Variants in METRN observed in about 807,000 individuals in gnomAD.
METRN encodes meteorin.
A neutral mutation model predicts 17.4 loss-of-function variants in METRN; 17 were observed. The observed-to-expected ratio is 0.98, with a 90% CI of 0.67 to 1.46. METRN has a LOEUF of 1.46. Among genes scored for constraint, METRN ranks in the 40% most tolerant of loss-of-function variants. The probability of loss-of-function intolerance (pLI) is 0.00; values close to 1 mark genes in which losing one functional copy is unlikely to be tolerated. For synonymous variants in METRN, 230 were observed against 210.8 expected (o/e 1.09, Z -0.79); for missense variants, 489 against 456.2 (o/e 1.07, Z -0.65).
At position 719,402 on chromosome 16, in the gene METRN, G is replaced by C. The variant is rs1030355882; in HGVS notation, c.*2015G>C. The C allele has an allele frequency of 8.5e-5, 13 of 152,348 alleles. No homozygotes were observed. Among genetic ancestry groups the C allele is most frequent in the Admixed American group, 4.6e-4 (7 of 15,276 alleles). 9.4% of individuals were successfully genotyped at this position (152,348 alleles called of 1,614,324 possible). On this transcript the variant is annotated 3_prime_UTR_variant, in exon 4 of 4. Coordinates refer to ENST00000568223, the MANE Select transcript of METRN (RefSeq NM_024042.4). ...TGGGCAGGAGCTACAGGAGCCTGGG[G>C]CCTGTGGATCACAGACACCGCCAGG... is the stretch of plus-strand genomic sequence containing the variant.
At chr16:715,452 C>T (rs1355205334) in intron 1 of METRN, 59 bp downstream of exon 1, 15 of 1,260,106 alleles carry the variant, frequency 1.2e-5, no homozygotes, top group Non-Finnish European at 1.5e-5. Flanking sequence ...CTAGGACCCC[C>T]CAGGCGCCCC....
Position 715,204 on chromosome 16 carries a change from G to C in METRN, c.-86G>C, listed in dbSNP as rs1381083709. On this transcript the variant is annotated 5_prime_UTR_variant, in exon 1 of 4. Coordinates refer to ENST00000568223, the MANE Select transcript of METRN (RefSeq NM_024042.4). ...CCGGGGCCGGGCGGCCGGCGCCCCCGGCTGCTCCCGCCGCCGCCCGGACCC... is the reference window on the plus strand; with the variant it reads ...CCGGGGCCGGGCGGCCGGCGCCCCCCGCTGCTCCCGCCGCCGCCCGGACCC... 1 of 595,480 alleles carries C rather than the reference G, an allele frequency of 1.7e-6. No individual in the cohort carries two copies. Among genetic ancestry groups the C allele is most frequent in the Non-Finnish European group, 2.1e-6 (1 of 474,234 alleles). 36.9% of individuals were successfully genotyped at this position (595,480 alleles called of 1,614,324 possible). A position where few individuals can be genotyped will look rare whatever the true frequency, so the allele number is the denominator to read the frequency against.
At chr16:716,622 A>G (rs2040163784) in intron 2 of METRN, 5 of 1,535,302 alleles carry the variant, frequency 3.3e-6, no homozygotes, top group Non-Finnish European at 2.6e-6. Flanking sequence ...GCTGGGGTGC[A>G]TATGTCAGAT....
chr16:717,527 C>A lies in METRN; in HGVS notation c.*140C>A. The A allele has an allele frequency of 1.3e-6, 1 of 756,192 alleles. No individual in the cohort carries two copies. The highest frequency in any genetic ancestry group is 1.9e-6 in the Non-Finnish European group (1 of 534,758). 46.8% of individuals were successfully genotyped at this position (756,192 alleles called of 1,614,324 possible). Reference sequence around the variant, plus strand: ...TGTGTCCAGCCCAGCCTTGGGCCTGCCTCGCAGCTGTGAGGATGGCTCCAA... The same window carrying A: ...TGTGTCCAGCCCAGCCTTGGGCCTGACTCGCAGCTGTGAGGATGGCTCCAA... On this transcript the variant is annotated 3_prime_UTR_variant, in exon 4 of 4. Coordinates refer to ENST00000568223, the MANE Select transcript of METRN (RefSeq NM_024042.4).
In METRN at chr16:717,645, A is replaced by C; in HGVS notation, c.*258A>C. ...GAGAGGGAGAGCAGATGTCAGGAGGAGCTACACCCACATTCCGGGGAGGGG... is the reference window on the plus strand; with the variant it reads ...GAGAGGGAGAGCAGATGTCAGGAGGCGCTACACCCACATTCCGGGGAGGGG... On this transcript the variant is annotated 3_prime_UTR_variant, in exon 4 of 4. Coordinates refer to ENST00000568223, the MANE Select transcript of METRN (RefSeq NM_024042.4). The C allele has an allele frequency of 2.5e-6, 1 of 398,842 alleles. No individual in the cohort carries two copies. Among genetic ancestry groups the C allele is most frequent in the Non-Finnish European group, 4.4e-6 (1 of 226,538 alleles). The allele number at this position is 398,842 out of a possible 1,614,324, so 24.7% of individuals were successfully genotyped here. A position where few individuals can be genotyped will look rare whatever the true frequency, so the allele number is the denominator to read the frequency against.
At position 717,384 on chromosome 16, in the gene METRN, C is replaced by G; in HGVS notation, c.879C>G (p.His293Gln). 7.5e-7 allele frequency: 1 copy of G among 1,340,804 alleles called. No individual in the cohort carries two copies. The highest frequency in any genetic ancestry group is 9.5e-7 in the Non-Finnish European group (1 of 1,047,446). The allele number at this position is 1,340,804 out of a possible 1,614,324, so 83.1% of individuals were successfully genotyped here. A position where few individuals can be genotyped will look rare whatever the true frequency, so the allele number is the denominator to read the frequency against. ...TCCACCCCTGCGAGGTGGCGCTGCA[C>G]TGAGGGGCTGGGTGCTGGGGAGGGG... ...AHLHPCEVALH is the reference protein window; with the variant it reads ...AHLHPCEVALQ Residue 293 changes from histidine to glutamine, a missense_variant, in exon 4 of 4, where the codon CAC (histidine) becomes CAG (glutamine). Physicochemically the swap from His to Gln is conservative, Grantham distance 24. Transcript: ENST00000568223.
In METRN at chr16:718,242, C is replaced by G. The variant is rs1413858736; in HGVS notation, c.*855C>G. On this transcript the variant is annotated 3_prime_UTR_variant, in exon 4 of 4. Transcript: ENST00000568223. ...GGGCCAGTGAGGTTTGGGACAGCCA[C>G]AGCCCAAGGCTCCGAGGCTAAAAGC... 6.6e-6 allele frequency: 1 copy of G among 152,302 alleles called. No homozygotes were observed. The allele number at this position is 152,302 out of a possible 1,614,324, so 9.4% of individuals were successfully genotyped here.
chr16:716,256 G>T, intron 2 of METRN: 1 of 985,458 alleles, frequency 1.0e-6, no homozygotes, highest in Non-Finnish European at 1.2e-6. Context: ...GTCCCTGAAC[G>T]GTTGGGGGAA....
rs984188590 is a variant in METRN, at chr16:717,930, G to A, written c.*543G>A. On this transcript the variant is annotated 3_prime_UTR_variant, in exon 4 of 4. Coordinates refer to ENST00000568223, the MANE Select transcript of METRN (RefSeq NM_024042.4). ...CCTGTGAGGGAAGGGGCTGCAGGCT[G>A]GCAGGGTGCCGACTTCCCCCATGGC... 2 of 152,844 alleles carry A rather than the reference G, an allele frequency of 1.3e-5. No individual in the cohort carries two copies. The highest frequency in any genetic ancestry group is 2.9e-5 in the Non-Finnish European group (2 of 68,506). 9.5% of individuals were successfully genotyped at this position (152,844 alleles called of 1,614,324 possible). A position where few individuals can be genotyped will look rare whatever the true frequency, so the allele number is the denominator to read the frequency against.
In METRN at chr16:718,155, TC is replaced by T. The variant is rs1348823920; in HGVS notation, c.*771del. ...CACAATGGGGTCTCTAAGGACCGTT[TC>T]CCGCCACTGGCCCCATTGTCACTGT... On this transcript the variant is annotated 3_prime_UTR_variant, in exon 4 of 4. Coordinates refer to ENST00000568223, the MANE Select transcript of METRN (RefSeq NM_024042.4). The T allele has an allele frequency of 6.6e-6, 1 of 152,248 alleles. No individual in the cohort carries two copies. Among genetic ancestry groups the T allele is most frequent in the Non-Finnish European group, 1.5e-5 (1 of 68,066 alleles). 9.4% of individuals were successfully genotyped at this position (152,248 alleles called of 1,614,324 possible).
At position 717,214 on chromosome 16, in the gene METRN, C is replaced by T. The variant is rs566182946; in HGVS notation, c.709C>T (p.Arg237Cys). Reference protein sequence around the residue: ...RSGDQGLTSIRTPLRCGVHPG... With the variant: ...RSGDQGLTSICTPLRCGVHPG... The stretch of plus-strand genomic sequence containing the variant: ...CGGGGACCAGGGGCTGACCTCCATT[C>T]GTACCCCACTGCGCTGTGGCGTCCA... The change falls in exon 4 of 4, where the codon CGT (arginine) becomes TGT (cysteine). Residue 237 changes from arginine (R) to cysteine (C), a missense_variant. Arg to Cys is a radical substitution (Grantham distance 180, BLOSUM62 -3). Transcript: ENST00000568223. The T allele has an allele frequency of 2.4e-5, 38 of 1,595,656 alleles. No homozygotes were observed. The highest frequency in any genetic ancestry group is 1.0e-4 in the Admixed American group (6 of 58,312).
chr16:715,509 C>T (rs919214136), intron 1 of METRN, 75 bp from the exon 2 acceptor site: 1 of 1,271,068 alleles, frequency 7.9e-7, no homozygotes, highest in Non-Finnish European at 9.9e-7. Context: ...CGCGAGGCGG[C>T]CTCGGGAGGG....
Position 719,422 on chromosome 16 carries a change from G to T in METRN, c.*2035G>T, listed in dbSNP as rs1485828044. 1 of 152,314 alleles carries T rather than the reference G, an allele frequency of 6.6e-6. No individual in the cohort carries two copies. The highest frequency in any genetic ancestry group is 2.4e-5 in the African/African-American group (1 of 41,460). The allele number at this position is 152,314 out of a possible 1,614,324, so 9.4% of individuals were successfully genotyped here. ...CTGGGGCCTGTGGATCACAGACACC[G>T]CCAGGCAAGTGCCAGTTCACACAGG... On this transcript the variant is annotated 3_prime_UTR_variant, in exon 4 of 4. Transcript: ENST00000568223.
In METRN at chr16:715,694, C is replaced by T. The variant is rs1419871000; in HGVS notation, c.215C>T (p.Pro72Leu). The T allele has an allele frequency of 1.4e-6, 2 of 1,400,504 alleles. No individual in the cohort carries two copies. Among genetic ancestry groups the T allele is most frequent in the Non-Finnish European group, 1.9e-6 (2 of 1,080,568 alleles). 86.8% of individuals were successfully genotyped at this position (1,400,504 alleles called of 1,614,324 possible). A position where few individuals can be genotyped will look rare whatever the true frequency, so the allele number is the denominator to read the frequency against. ...AGALRLTLGG[P>L]DPRARPGIAC... ...GCGCTGCGCCTGACCCTGGGCGGCCCCGATCCCAGAGCGCGGCCCGGCATC... is the reference window on the plus strand; with the variant it reads ...GCGCTGCGCCTGACCCTGGGCGGCCTCGATCCCAGAGCGCGGCCCGGCATC... The change falls in exon 2 of 4, where the codon CCC (proline) becomes CTC (leucine). Residue 72 changes from proline (P) to leucine (L), a missense_variant. Physicochemically the swap from Pro to Leu is moderately conservative, Grantham distance 98. Coordinates refer to ENST00000568223, the MANE Select transcript of METRN (RefSeq NM_024042.4).
At position 717,418 on chromosome 16, in the gene METRN, A is replaced by G; in HGVS notation, c.*31A>G. 4.7e-6 allele frequency: 3 copies of G among 639,174 alleles called. No individual in the cohort carries two copies. The highest frequency in any genetic ancestry group is 7.0e-6 in the Non-Finnish European group (3 of 427,866). 39.6% of individuals were successfully genotyped at this position (639,174 alleles called of 1,614,324 possible). A position where few individuals can be genotyped will look rare whatever the true frequency, so the allele number is the denominator to read the frequency against. On this transcript the variant is annotated 3_prime_UTR_variant, in exon 4 of 4. Coordinates refer to ENST00000568223, the MANE Select transcript of METRN (RefSeq NM_024042.4). ...TGGGTGCTGGGGAGGGGCTGGTAGG[A>G]GGGAGGGTGGGCCCACTGCTTTGGA...
rs907897826 is a variant in METRN, at chr16:715,720, G to T, written c.241G>T (p.Ala81Ser). 2.2e-6 allele frequency: 3 copies of T among 1,363,280 alleles called. No homozygotes were observed. Among genetic ancestry groups the T allele is most frequent in the Non-Finnish European group, 1.9e-6 (2 of 1,061,614 alleles). 84.4% of individuals were successfully genotyped at this position (1,363,280 alleles called of 1,614,324 possible). A position where few individuals can be genotyped will look rare whatever the true frequency, so the allele number is the denominator to read the frequency against. ...CGATCCCAGAGCGCGGCCCGGCATC[G>T]CCTGTCTGCGGCCGGTGCGGCCCTT... Reference protein sequence around the residue: ...GPDPRARPGIACLRPVRPFAG... With the variant: ...GPDPRARPGISCLRPVRPFAG... The change falls in exon 2 of 4, where the codon GCC (alanine) becomes TCC (serine). Residue 81 changes from alanine to serine, a missense_variant. Transcript: ENST00000568223.
At chr16:715,539 G>A (rs2040152689) in intron 1 of METRN, 45 bp from the exon 2 acceptor site, 12 of 1,290,924 alleles carry the variant, frequency 9.3e-6, no homozygotes, top group Admixed American at 4.2e-5. Flanking sequence ...TGCGCCGGGC[G>A]GGGACCCGCC....
At position 715,266 on chromosome 16, in the gene METRN, T is replaced by C. The variant is rs1233313193; in HGVS notation, c.-24T>C. 7.9e-7 allele frequency: 1 copy of C among 1,268,286 alleles called. No homozygotes were observed. The highest frequency in any genetic ancestry group is 2.1e-5 in the South Asian group (1 of 47,636). 78.6% of individuals were successfully genotyped at this position (1,268,286 alleles called of 1,614,324 possible). A position where few individuals can be genotyped will look rare whatever the true frequency, so the allele number is the denominator to read the frequency against. ...GGGCAGCGGTGGTGAGAGCCCCGAC[T>C]CCCCGGACGCCGCCCGCCGTGCCAT... On this transcript the variant is annotated 5_prime_UTR_variant, in exon 1 of 4. Coordinates refer to ENST00000568223, the MANE Select transcript of METRN (RefSeq NM_024042.4).
At chr16:717,015 G>T (rs1468954993) in intron 3 of METRN, 23 bp downstream of exon 3, 6 of 1,610,614 alleles carry the variant, frequency 3.7e-6, no homozygotes, top group Middle Eastern at 1.7e-4. Flanking sequence ...GCCATGGGGG[G>T]AGCCTGGAGC....
Sources: allele counts gnomAD v4.1 joint callset, GRCh38; gene constraint gnomAD v4.1.1; transcripts MANE v1.5; gene names NCBI Gene and HGNC (gene_info 2026-07-23, HGNC 2026-07-21).